KIAA1671: variants seen among roughly 807,000 people sequenced by gnomAD.
The protein encoded by KIAA1671 is uncharacterized protein KIAA1671.
In KIAA1671, 52 loss-of-function variants were observed where a neutral mutation model predicts 131.2. The ratio of observed to expected loss-of-function variants is 0.40; its 90% CI spans 0.32 to 0.50. The LOEUF (loss-of-function observed/expected upper bound fraction) is 0.50. Ranked by LOEUF, KIAA1671 falls within the 20% of genes least tolerant of loss-of-function variation. KIAA1671 has a pLI of 0.73. For missense variants in KIAA1671, 2,360 were observed against 2,364.2 expected (o/e 1.00, Z 0.04); for synonymous variants, 1,003 against 961.6 (o/e 1.04, Z -0.80).
chr22:24,955,893 C>T (rs1029366013), intron 1 of KIAA1671, among the ~76,000 whole-genome samples: 4 of 151,968 alleles, frequency 2.6e-5, no homozygotes, highest in Non-Finnish European at 1.5e-5. Flanking sequence ...AGGCATGGGG[C>T]AGGTGCCTGT....
chr22:24,973,018 G>C (rs536698794), intron 1 of KIAA1671, among the ~76,000 whole-genome samples: 29 of 152,296 alleles, frequency 1.9e-4, no homozygotes, highest in Non-Finnish European at 2.9e-4. Flanking sequence ...GAGTGTTGTA[G>C]GTAGCAGGAC....
chr22:25,182,663 C>T (rs1193093072), intron 10 of KIAA1671, among the ~76,000 whole-genome samples: 1 of 152,192 alleles, frequency 6.6e-6, no homozygotes. Flanking sequence ...TTAATCTCCA[C>T]TTTCTGACTC....
At position 25,028,305 on chromosome 22, in the gene KIAA1671, A is replaced by T; in HGVS notation, c.306A>T (p.Ala102=). 1 of 1,551,208 alleles carries T rather than the reference A, an allele frequency of 6.4e-7. No homozygotes were observed. The highest frequency in any genetic ancestry group is 1.2e-5 in the South Asian group (1 of 84,066). ...SPSGGLSEEP[A]AKDLDNRMPG... is the part of the protein sequence containing the mutation. Reference sequence around the variant, plus strand: ...CTGGGGGGCTCTCTGAGGAGCCAGCAGCAAAGGATCTGGACAACAGGATGC... The same window carrying T: ...CTGGGGGGCTCTCTGAGGAGCCAGCTGCAAAGGATCTGGACAACAGGATGC... The change falls in exon 3 of 13, where the codon GCA becomes GCT. Residue 102 remains alanine, a synonymous_variant. Transcript: ENST00000358431.
intron 6 of KIAA1671, among the ~76,000 whole-genome samples, chr22:25,133,633 C>T (rs1275021170): frequency 1.3e-5 from 2 of 152,178 alleles, no homozygotes; most frequent in Non-Finnish European, 2.9e-5. Flanking sequence ...GCCTCGAACT[C>T]CTGGGCTTGG....
intron 11 of KIAA1671, among the ~76,000 whole-genome samples, chr22:25,189,126 C>CTTTTTTTTTTTTTTTTTTTGT (rs1934580266): frequency 2.6e-5 from 3 of 114,876 alleles, no homozygotes; most frequent in East Asian, 2.5e-4. Context: ...CAGTCTTTTT[C>CTTTTTTTTTTTTTTTTTTTGT]TTTTTTTTTT....
intron 6 of KIAA1671, among the ~76,000 whole-genome samples, chr22:25,126,490 C>T (rs942797403): frequency 2.6e-5 from 4 of 152,150 alleles, no homozygotes; most frequent in Non-Finnish European, 4.4e-5. Context: ...TGGCAGATGA[C>T]GTGTTGAGTT....
At chr22:25,007,416 G>GT (rs201076133) in intron 1 of KIAA1671, among the ~76,000 whole-genome samples, 5,942 of 151,938 alleles carry the variant, frequency 0.039, 127 homozygotes, top group Non-Finnish European at 0.046. Flanking sequence ...AACCTGGGAG[G>GT]TGGAGGTTGC....
chr22:25,077,758 G>A (rs967144877), intron 6 of KIAA1671, among the ~76,000 whole-genome samples: 1 of 152,134 alleles, frequency 6.6e-6, no homozygotes, highest in Non-Finnish European at 1.5e-5. Flanking sequence ...ATGTCCCCAC[G>A]TTTGACTCTG....
At chr22:25,143,308 C>T (rs1433950803) in intron 6 of KIAA1671, among the ~76,000 whole-genome samples, 2 of 152,210 alleles carry the variant, frequency 1.3e-5, no homozygotes, top group Non-Finnish European at 2.9e-5. Flanking sequence ...TCTCAGGGGT[C>T]TGAGGAGGAG....
chr22:25,064,003 A>G (rs1466906470), intron 6 of KIAA1671: 1 of 152,126 alleles, frequency 6.6e-6, no homozygotes, highest in Admixed American at 6.5e-5. Context: ...TGCTTCCCTA[A>G]CACGACCAGG....
At chr22:25,074,612 CAT>C (rs71812086) in intron 6 of KIAA1671, among the ~76,000 whole-genome samples, 13,776 of 148,900 alleles carry the variant, frequency 0.093, 1,463 homozygotes, top group African/African-American at 0.27. Context: ...TATATGGAAA[CAT>C]GTGTCCATGA....
chr22:25,190,488 C>G (rs1397151703), intron 11 of KIAA1671, among the ~76,000 whole-genome samples: 1 of 152,126 alleles, frequency 6.6e-6, no homozygotes, highest in African/African-American at 2.4e-5. Flanking sequence ...GTTGGGGACC[C>G]CTGATTTATT....
chr22:25,111,384 T>C (rs13055382), intron 6 of KIAA1671, among the ~76,000 whole-genome samples: 5 of 151,984 alleles, frequency 3.3e-5, no homozygotes, highest in Admixed American at 3.3e-4. Context: ...GAGAAAAAAA[T>C]GGGGGCGGAC....
chr22:25,174,042 G>A (rs1933937254), intron 7 of KIAA1671, among the ~76,000 whole-genome samples, 198 bp from the exon 8 acceptor site: 2 of 152,146 alleles, frequency 1.3e-5, no homozygotes, highest in Admixed American at 6.5e-5. Flanking sequence ...GGTGTTCCAG[G>A]CAGTGCCTTA....
chr22:25,104,828 T>A (rs1167204565), intron 6 of KIAA1671, among the ~76,000 whole-genome samples: 2 of 152,022 alleles, frequency 1.3e-5, no homozygotes, highest in Non-Finnish European at 2.9e-5. Flanking sequence ...GGGGAGAAAA[T>A]GGGATAGCCT....
chr22:25,080,294 T>C (rs1281285886), intron 6 of KIAA1671, among the ~76,000 whole-genome samples: 3 of 151,934 alleles, frequency 2.0e-5, no homozygotes, highest in Non-Finnish European at 2.9e-5. Flanking sequence ...TGCCTAAGAG[T>C]TGTTGGGATA....
At chr22:25,121,028 TC>T (rs1282487489) in intron 6 of KIAA1671, among the ~76,000 whole-genome samples, 3 of 152,170 alleles carry the variant, frequency 2.0e-5, no homozygotes, top group Non-Finnish European at 4.4e-5. Context: ...TCTCTCCCTC[TC>T]CCTGCGTTTT....
At chr22:25,170,994 C>A in intron 7 of KIAA1671, 56 bp downstream of exon 7, 1 of 1,365,710 alleles carries the variant, frequency 7.3e-7, no homozygotes, top group South Asian at 1.2e-5. Context: ...GCTGGAGTTG[C>A]TGCAGCCCAC....
chr22:25,165,952 AC>A (rs1270269888), intron 6 of KIAA1671, among the ~76,000 whole-genome samples: 3 of 152,014 alleles, frequency 2.0e-5, no homozygotes, highest in Non-Finnish European at 4.4e-5. Context: ...CAGGCCCCGC[AC>A]CCATGCAGGT....
Sources: gnomAD v4.1 joint callset for allele counts (sites outside exome capture counted in the v4.1 genomes callset) on GRCh38, gnomAD v4.1.1 for gene constraint, MANE v1.5 for transcripts, NCBI Gene and HGNC (gene_info 2026-07-23, HGNC 2026-07-21) for gene names.